Variants in ATP8A2 observed in about 807,000 individuals in gnomAD.
ATP8A2 encodes the protein phospholipid-transporting ATPase IB.
ATP8A2 carries 100 observed loss-of-function variants against 165.6 expected under a neutral mutation model. The observed-to-expected ratio is 0.60, with a 90% CI of 0.51 to 0.71. ATP8A2 has a LOEUF of 0.71. Among genes scored for constraint, ATP8A2 ranks in the 30% least tolerant of loss-of-function variants. The pLI, the probability that ATP8A2 is intolerant of heterozygous loss-of-function variation, is 0.00. For synonymous variants in ATP8A2, 543 were observed against 548.8 expected (o/e 0.99, Z 0.15); for missense variants, 1,227 against 1,479.5 (o/e 0.83, Z 2.80).
At chr13:25,453,452 G>A (rs1297866160) in intron 1 of ATP8A2, among the ~76,000 whole-genome samples, 2 of 152,108 alleles carry the variant, frequency 1.3e-5, no homozygotes, top group Non-Finnish European at 2.9e-5. Context: ...ATTACATTGT[G>A]TCTAAGCAGG....
At chr13:25,720,070 A>G (rs1424499068) in intron 25 of ATP8A2, among the ~76,000 whole-genome samples, 1 of 151,546 alleles carries the variant, frequency 6.6e-6, no homozygotes, top group Non-Finnish European at 1.5e-5. Context: ...TCCTGATTTT[A>G]TAAGCTCCGA....
chr13:25,398,180 A>G (rs991115372), intron 1 of ATP8A2, among the ~76,000 whole-genome samples: 9 of 152,210 alleles, frequency 5.9e-5, no homozygotes, highest in Non-Finnish European at 1.3e-4. Context: ...ATTCCAAAAT[A>G]TGTCAAAAAA....
At chr13:25,580,886 C>A (rs955903058) in intron 22 of ATP8A2, among the ~76,000 whole-genome samples, 2 of 152,054 alleles carry the variant, frequency 1.3e-5, no homozygotes, top group Admixed American at 6.6e-5. Context: ...TGTTTTCATT[C>A]CTTTGTTGGT....
chr13:25,909,801 C>T (rs1025743485), intron 33 of ATP8A2, among the ~76,000 whole-genome samples: 4 of 152,178 alleles, frequency 2.6e-5, no homozygotes, highest in East Asian at 1.9e-4. Flanking sequence ...GAATTCCCGC[C>T]GCCCTCCCCC....
chr13:25,545,466 A>G (rs1463880034), intron 10 of ATP8A2, among the ~76,000 whole-genome samples: 2 of 151,898 alleles, frequency 1.3e-5, no homozygotes, highest in African/African-American at 4.8e-5. Flanking sequence ...TGGGACCAGG[A>G]GTTTGAGACC....
intron 2 of ATP8A2, among the ~76,000 whole-genome samples, chr13:25,490,572 T>C (rs919441874): frequency 3.3e-5 from 5 of 152,150 alleles, no homozygotes; most frequent in African/African-American, 1.2e-4. Flanking sequence ...CTGCCTGAGG[T>C]GCAGGCAATA....
chr13:25,866,020 C>T (rs1047064721), intron 33 of ATP8A2, among the ~76,000 whole-genome samples: 3 of 152,080 alleles, frequency 2.0e-5, no homozygotes, highest in Non-Finnish European at 4.4e-5. Context: ...ATGACAAAAT[C>T]CCTTAGGTCA....
chr13:25,984,266 A>G (rs1260567489), intron 35 of ATP8A2, among the ~76,000 whole-genome samples: 1 of 151,952 alleles, frequency 6.6e-6, no homozygotes, highest in Non-Finnish European at 1.5e-5. Context: ...GGAGTAATGA[A>G]AAGTTTGGTG....
At chr13:25,848,551 T>C (rs1335086337) in intron 30 of ATP8A2, among the ~76,000 whole-genome samples, 2 of 152,230 alleles carry the variant, frequency 1.3e-5, no homozygotes, top group African/African-American at 2.4e-5. Context: ...TTCAGATTTA[T>C]TTTTAGTAAA....
intron 26 of ATP8A2, among the ~76,000 whole-genome samples, chr13:25,771,196 G>T (rs912536577): frequency 1.3e-5 from 2 of 152,224 alleles, no homozygotes; most frequent in Non-Finnish European, 2.9e-5. Flanking sequence ...GAAAACCGGG[G>T]TTCCTTCGTA....
intron 10 of ATP8A2, among the ~76,000 whole-genome samples, chr13:25,544,616 TAG>T (rs2038585882): frequency 6.6e-6 from 1 of 151,874 alleles, no homozygotes; most frequent in Non-Finnish European, 1.5e-5. Flanking sequence ...ATTTCTGGGG[TAG>T]AGAGTTTCTA....
chr13:25,396,156 A>G (rs1355208047), intron 1 of ATP8A2, among the ~76,000 whole-genome samples: 15 of 152,056 alleles, frequency 9.9e-5, no homozygotes, highest in Non-Finnish European at 2.2e-4. Flanking sequence ...TCCAATGTTA[A>G]TAGACTGAGT....
rs1489762618 is a variant in ATP8A2, at chr13:25,921,830, AT to A, written c.3184-39743del. Among the ~76,000 whole-genome samples, 7 of 152,328 alleles carry A rather than the reference AT, an allele frequency of 4.6e-5. No individual in the cohort carries two copies. In the East Asian group the frequency reaches 9.6e-4, roughly 21 times the overall value. ...ATGGTATTTATTTGATCGAATGTGTATTAAAGTGAAAAGTATATTGAAATAT... is the reference window on the plus strand; with the variant it reads ...ATGGTATTTATTTGATCGAATGTGTATAAAGTGAAAAGTATATTGAAATAT... On this transcript the variant is annotated intron_variant, in intron 33 of 36. Transcript: ENST00000381655.
chr13:25,743,631 G>T (rs532789785), intron 25 of ATP8A2, among the ~76,000 whole-genome samples: 12 of 152,306 alleles, frequency 7.9e-5, no homozygotes, highest in African/African-American at 2.9e-4. Flanking sequence ...GTATCATCAG[G>T]TTCTGGCATG....
In ATP8A2 at chr13:25,749,723, A is replaced by T. The variant is rs116122460; in HGVS notation, c.2385-19323A>T. Among the ~76,000 whole-genome samples the T allele has an allele frequency of 7.0e-3, 1,069 of 152,256 alleles. 13 individuals are homozygous for T. Among genetic ancestry groups the T allele is most frequent in the African/African-American group, 0.025 (1,018 of 41,546 alleles). On this transcript the variant is annotated intron_variant, in intron 25 of 36. Coordinates refer to ENST00000381655, the MANE Select transcript of ATP8A2 (RefSeq NM_016529.6). ...CTGCGGTGTAGACAGGCAGCAGCCA[A>T]CTCATGTTCCTTCCGATTTTCTTTA...
rs147055716 is a variant in ATP8A2 at position 25,697,782 on chromosome 13, G to T, written c.2212-1391G>T. Among the ~76,000 whole-genome samples the T allele has an allele frequency of 6.0e-4, 91 of 152,330 alleles. 4 individuals carry two copies. The East Asian group carries it at 0.014, about 23-fold the overall frequency. On this transcript the variant is annotated intron_variant, in intron 24 of 36. Transcript: ENST00000381655. ...AAAGAGGCTAAGTGTCTTGCTGAAG[G>T]TCACAGAGGTAACAAGTAGAGAGCT...
intron 1 of ATP8A2, among the ~76,000 whole-genome samples, chr13:25,428,725 T>C (rs550414478): frequency 6.6e-6 from 1 of 152,324 alleles, no homozygotes; most frequent in South Asian, 2.1e-4. Flanking sequence ...CAGCCTTACA[T>C]GTTGCTCATA....
At chr13:25,553,768 C>T (rs755734646) in intron 11 of ATP8A2, 25 bp from the exon 12 acceptor site, 1 of 1,604,634 alleles carries the variant, frequency 6.2e-7, no homozygotes, top group East Asian at 2.2e-5. Flanking sequence ...GAACACCTTT[C>T]AGATACTCTG....
chr13:25,747,458 A>G (rs920858175), intron 25 of ATP8A2, among the ~76,000 whole-genome samples: 11 of 152,240 alleles, frequency 7.2e-5, no homozygotes, highest in Middle Eastern at 3.2e-3. Context: ...AGCAAAAGGT[A>G]TCCTGTGGGT....
Sources: allele counts gnomAD v4.1 joint callset (sites outside exome capture counted in the v4.1 genomes callset), GRCh38; gene constraint gnomAD v4.1.1; transcripts MANE v1.5; gene names NCBI Gene and HGNC (gene_info 2026-07-23, HGNC 2026-07-21).